Variants in NCR1 observed in about 807,000 individuals in gnomAD.
NCR1 encodes NK cell-activating receptor.
Under a neutral mutation model 32.5 loss-of-function variants are expected in NCR1, and 30 were observed. The observed-to-expected ratio is 0.92, with a 90% CI of 0.69 to 1.25. The LOEUF (loss-of-function observed/expected upper bound fraction) is 1.25, where lower values mean the gene tolerates loss of function less well. Ranked by LOEUF, NCR1 falls within the 50% of genes most tolerant of loss-of-function variation. The pLI is 0.00. For synonymous variants in NCR1, 169 were observed against 143.4 expected, an observed-to-expected ratio of 1.18 and a Z score of -1.28; for missense variants, 369 against 380.7, an observed-to-expected ratio of 0.97 and a Z score of 0.26.
chr19:54,934,707 C>T, the NCR1 span: 11 of 1,483,928 alleles, frequency 7.4e-6, no homozygotes, highest in Non-Finnish European at 1.0e-5. The surrounding 1 kb of genome is among the most constrained non-coding windows in gnomAD (Gnocchi z 6.7). Flanking sequence ...ACAGAGTATA[C>T]CCTATCAGCT....
At chr19:54,929,728 C>G in the NCR1 span, among the ~76,000 whole-genome samples, 1 of 152,146 alleles carries the variant, frequency 6.6e-6, no homozygotes, top group Non-Finnish European at 1.5e-5. Flanking sequence ...GGCCCTCTAC[C>G]TGACTTTAGA....
chr19:54,914,178 TC>T (rs796212026), downstream of NCR1, among the ~76,000 whole-genome samples: 11,509 of 142,392 alleles, frequency 0.081, 1,192 homozygotes, highest in African/African-American at 0.25. Flanking sequence ...TTTTTTTTTT[TC>T]TTTTTTTTTG....
chr19:54,905,726 G>C (rs1278939526), upstream of NCR1, among the ~76,000 whole-genome samples: 1 of 152,090 alleles, frequency 6.6e-6, no homozygotes, highest in Non-Finnish European at 1.5e-5. Flanking sequence ...CTCTTCCTCG[G>C]GGGGAACTGG....
chr19:54,933,764 A>G, the NCR1 span: 1 of 1,600,840 alleles, frequency 6.2e-7, no homozygotes, highest in East Asian at 2.2e-5. Flanking sequence ...AACAAATGGT[A>G]GAAGGATGAG....
downstream of NCR1, among the ~76,000 whole-genome samples, chr19:54,917,316 AAAAAC>A (rs146846602): frequency 8.7e-3 from 1,275 of 147,050 alleles, 12 homozygotes; most frequent in African/African-American, 0.033. Flanking sequence ...CTCCTCAAAA[AAAAAC>A]AAAAACAAAA....
chr19:54,926,713 C>T, the NCR1 span, among the ~76,000 whole-genome samples: 19 of 151,852 alleles, frequency 1.3e-4, no homozygotes, highest in Non-Finnish European at 1.9e-4. Context: ...GTCAGGAGCT[C>T]GAGACCAGCC....
upstream of NCR1, among the ~76,000 whole-genome samples, chr19:54,903,052 C>T (rs965213449): frequency 1.3e-5 from 2 of 151,870 alleles, no homozygotes; most frequent in African/African-American, 2.4e-5. Context: ...ATTGCTTGAA[C>T]CCAGGAGGTG....
chr19:54,925,192 G>A, the NCR1 span, among the ~76,000 whole-genome samples: 1 of 152,050 alleles, frequency 6.6e-6, no homozygotes, highest in African/African-American at 2.4e-5. Flanking sequence ...AATGAGAAAA[G>A]AAATACGCCC....
chr19:54,913,587 A>C (rs16986074), downstream of NCR1, among the ~76,000 whole-genome samples: 1,372 of 152,288 alleles, frequency 9.0e-3, 28 homozygotes, highest in African/African-American at 0.031. Flanking sequence ...GGTCTGTATC[A>C]AATGGTTCAG....
chr19:54,910,970 A>G (rs956685776), intron 5 of NCR1, among the ~76,000 whole-genome samples: 1 of 152,170 alleles, frequency 6.6e-6, no homozygotes, highest in African/African-American at 2.4e-5. Context: ...CTGGGGTAAT[A>G]CAATAATAAC....
the NCR1 span, among the ~76,000 whole-genome samples, chr19:54,928,479 C>T: frequency 8.5e-5 from 13 of 152,102 alleles, no homozygotes; most frequent in African/African-American, 2.9e-4. Flanking sequence ...CAGAAGAAAT[C>T]CTTGTCCTCA....
rs368695987 is a variant in NCR1, at chr19:54,909,542, C to T, written c.634+19C>T. On this transcript the variant is annotated intron_variant, in intron 4 of 6. Coordinates refer to ENST00000291890, the MANE Select transcript of NCR1 (RefSeq NM_004829.7). ...GTCACAGGTGAGGAAATGCTCAATT[C>T]CCCACACCCTTCGCCGCCATGTGCT... The T allele has an allele frequency of 3.8e-6, 6 of 1,593,466 alleles. No individual in the cohort carries two copies. Among genetic ancestry groups the T allele is most frequent in the South Asian group, 3.3e-5 (3 of 90,582 alleles).
chr19:54,914,486 G>A (rs2068092661), downstream of NCR1, among the ~76,000 whole-genome samples: 1 of 151,988 alleles, frequency 6.6e-6, no homozygotes, highest in Non-Finnish European at 1.5e-5. Flanking sequence ...TTATAGGCAT[G>A]CACCACCACG....
downstream of NCR1, among the ~76,000 whole-genome samples, chr19:54,918,898 C>T (rs62124582): frequency 1.7e-3 from 261 of 151,592 alleles, no homozygotes; most frequent in Admixed American, 3.3e-3. Context: ...GTTGGAGAAT[C>T]GCTTGAACCC....
At chr19:54,905,641 G>A (rs587726523), upstream of NCR1, among the ~76,000 whole-genome samples, 1 of 152,264 alleles carries the variant, frequency 6.6e-6, no homozygotes, top group South Asian at 2.1e-4. Flanking sequence ...ACAATGCCTG[G>A]GAAAGGGAGA....
At chr19:54,912,318 C>A in intron 6 of NCR1, 100 bp downstream of exon 6, 1 of 1,198,494 alleles carries the variant, frequency 8.3e-7, no homozygotes, top group Non-Finnish European at 1.2e-6. Context: ...TGTCCTTGGC[C>A]AGGCGCAGTA....
At chr19:54,936,557 C>T in the NCR1 span, 4 of 833,504 alleles carry the variant, frequency 4.8e-6, no homozygotes, top group South Asian at 1.4e-5. Flanking sequence ...TGCAGTGGCT[C>T]GTGTCTGTAA....
chr19:54,929,486 G>T, the NCR1 span, among the ~76,000 whole-genome samples: 1 of 152,126 alleles, frequency 6.6e-6, no homozygotes, highest in Non-Finnish European at 1.5e-5. Flanking sequence ...TGGAAAATAG[G>T]TTGCATCCAA....
chr19:54,906,425 G>T, intron 2 of NCR1, 91 bp downstream of exon 2: 1 of 1,601,326 alleles, frequency 6.2e-7, no homozygotes. Flanking sequence ...GGGACAGGGT[G>T]CTGGCTTCCC....
Sources: allele counts gnomAD v4.1 joint callset (sites outside exome capture counted in the v4.1 genomes callset), GRCh38; gene constraint gnomAD v4.1.1; non-coding constraint Gnocchi (gnomAD v3.1); transcripts MANE v1.5; gene names NCBI Gene and HGNC (gene_info 2026-07-23, HGNC 2026-07-21).